ITGAV: variants seen among roughly 807,000 people sequenced by gnomAD.
ITGAV encodes the protein integrin alpha-V.
In ITGAV, 76 loss-of-function variants were observed where a neutral mutation model predicts 143.8. The ratio of observed to expected loss-of-function variants is 0.53; its 90% CI spans 0.44 to 0.64. ITGAV has a LOEUF of 0.64. Ranked by LOEUF, ITGAV falls within the 30% of genes least tolerant of loss-of-function variation. The probability of loss-of-function intolerance (pLI) is 0.00; values close to 1 mark genes in which losing one functional copy is unlikely to be tolerated. For synonymous variants in ITGAV, 453 were observed against 446.7 expected (o/e 1.01, Z -0.18); for missense variants, 1,193 against 1,274.7 (o/e 0.94, Z 0.98).
At chr2:186,646,319 C>A (rs917996811) in intron 12 of ITGAV, among the ~76,000 whole-genome samples, 2 of 152,022 alleles carry the variant, frequency 1.3e-5, no homozygotes, top group East Asian at 3.9e-4. Context: ...CCTCCTCCAT[C>A]CCCTACCCCT....
chr2:186,595,689 A>T (rs78638836), intron 1 of ITGAV, among the ~76,000 whole-genome samples: 2 of 10,650 alleles, frequency 1.9e-4, no homozygotes, highest in African/African-American at 5.4e-4. Flanking sequence ...TCCAGTCATT[A>T]AAAAAAAAAA....
chr2:186,656,472 C>T (rs1688590551), intron 17 of ITGAV, 71 bp downstream of exon 17: 1 of 1,161,526 alleles, frequency 8.6e-7, no homozygotes, highest in Non-Finnish European at 1.2e-6. Context: ...ATGATTTTCA[C>T]TTTCTGTAAA....
At chr2:186,676,160 A>G (rs943075481) in intron 28 of ITGAV, 38 of 367,376 alleles carry the variant, frequency 1.0e-4, no homozygotes, top group Non-Finnish European at 1.5e-4. Flanking sequence ...ATTTCTTAGT[A>G]TATACTAAAT....
intron 1 of ITGAV, among the ~76,000 whole-genome samples, chr2:186,592,850 AC>A (rs1686651522): frequency 6.6e-6 from 1 of 152,144 alleles, no homozygotes; most frequent in Non-Finnish European, 1.5e-5. Context: ...AAAAATGGAA[AC>A]CAACCTTGAA....
chr2:186,600,567 C>T (rs1686873185), intron 1 of ITGAV, among the ~76,000 whole-genome samples: 1 of 152,190 alleles, frequency 6.6e-6, no homozygotes, highest in African/African-American at 2.4e-5. Flanking sequence ...AAATCTCTCT[C>T]AGCTAATTGT....
At chr2:186,659,257 C>T (rs898921477) in intron 18 of ITGAV, 82 bp downstream of exon 18, 2 of 936,272 alleles carry the variant, frequency 2.1e-6, no homozygotes, top group Non-Finnish European at 2.9e-6. Context: ...GAGGAGATTT[C>T]CTTTATCATA....
In ITGAV at chr2:186,678,496, G is replaced by A. The variant is rs201807782; in HGVS notation, c.*1204G>A. 4.3e-6 allele frequency: 1 copy of A among 233,612 alleles called. No individual in the cohort carries two copies. Among genetic ancestry groups the A allele is most frequent in the East Asian group, 1.2e-4 (1 of 8,176 alleles). The allele number at this position is 233,612 out of a possible 1,614,324, so 14.5% of individuals were successfully genotyped here. The stretch of plus-strand genomic sequence containing the variant: ...CAAGGTAATGTGTAAAATCAGTCTC[G>A]GCTGTCAGAATAACTTCTAAAAGGT... On this transcript the variant is annotated 3_prime_UTR_variant, in exon 30 of 30. Coordinates refer to ENST00000261023, the MANE Select transcript of ITGAV (RefSeq NM_002210.5).
intron 3 of ITGAV, 122 bp downstream of exon 3, chr2:186,622,552 C>T: frequency 3.0e-6 from 2 of 665,416 alleles, no homozygotes; most frequent in African/African-American, 1.8e-5. Flanking sequence ...GGTATAACAA[C>T]ATAAGATAGC....
intron 2 of ITGAV, among the ~76,000 whole-genome samples, chr2:186,605,519 A>G (rs1013556836): frequency 6.6e-6 from 1 of 151,960 alleles, no homozygotes; most frequent in Non-Finnish European, 1.5e-5. Context: ...ACATTGTTAC[A>G]TGTTATTTAT....
At chr2:186,600,116 A>T in intron 1 of ITGAV, 1 of 490,052 alleles carries the variant, frequency 2.0e-6, no homozygotes, top group Non-Finnish European at 3.6e-6. Context: ...AACCATGGCC[A>T]AAAGGCCCTA....
At chr2:186,654,089 T>C (rs1688516688) in intron 15 of ITGAV, among the ~76,000 whole-genome samples, 1 of 152,108 alleles carries the variant, frequency 6.6e-6, no homozygotes, top group Non-Finnish European at 1.5e-5. Flanking sequence ...TCCCAGCACT[T>C]TGGGAGACCA....
At chr2:186,625,676 TGTGAGA>T (rs1687657277) in intron 4 of ITGAV, 89 bp downstream of exon 4, 505 of 551,610 alleles carry the variant, frequency 9.2e-4, no homozygotes, top group Middle Eastern at 1.8e-3. Flanking sequence ...TGTGTGTGTG[TGTGAGA>T]GAGAGAGATA....
chr2:186,675,742 G>C, intron 27 of ITGAV, 25 bp downstream of exon 27: 1 of 1,569,080 alleles, frequency 6.4e-7, no homozygotes, highest in South Asian at 1.1e-5. Context: ...GCAGCATTTA[G>C]CAAACATACC....
intron 12 of ITGAV, among the ~76,000 whole-genome samples, 173 bp from the exon 13 acceptor site, chr2:186,646,513 G>T (rs554053710): frequency 1.3e-4 from 20 of 152,160 alleles, no homozygotes; most frequent in Non-Finnish European, 2.6e-4. Flanking sequence ...TTATCATGAT[G>T]AATGGGTTCT....
Position 186,646,836 on chromosome 2 carries a change from C to A in ITGAV, c.1310C>A (p.Ser437Ter). Residue 437 changes from serine to a stop codon, truncating the protein, a stop_gained, in exon 13 of 30, where the codon TCA (serine) becomes TAA (stop). Coordinates refer to ENST00000261023, the MANE Select transcript of ITGAV (RefSeq NM_002210.5). LOFTEE classifies it high-confidence loss of function. ...AGCATGCCACCAAGCTTTGGCTATT[C>A]AATGAAAGGAGCCACAGATATAGAC... ...ARSMPPSFGYSMKGATDIDKN... is the reference protein window; with the variant it reads ...ARSMPPSFGY 1.2e-6 allele frequency: 2 copies of A among 1,607,472 alleles called. No individual in the cohort carries two copies. The highest frequency in any genetic ancestry group is 1.1e-5 in the South Asian group (1 of 90,234).
rs1274952280 is a variant in ITGAV, at chr2:186,590,560, C to G, written c.185+37C>G. 3 of 1,563,336 alleles carry G rather than the reference C, an allele frequency of 1.9e-6. No homozygotes were observed. In the South Asian group the frequency reaches 3.5e-5, roughly 18 times the overall value. ...CACTTGGAACTGGAGCCGGCCCCCT[C>G]CCCCACCGCGCGCACCCACCCAGCG... On this transcript the variant is annotated intron_variant, in intron 1 of 29. Coordinates refer to ENST00000261023, the MANE Select transcript of ITGAV (RefSeq NM_002210.5).
chr2:186,625,591 T>G lies in ITGAV; in HGVS notation c.523+4T>G. 6.3e-7 allele frequency: 1 copy of G among 1,598,768 alleles called. No homozygotes were observed. The highest frequency in any genetic ancestry group is 1.1e-5 in the South Asian group (1 of 90,318). On this transcript the variant is annotated splice_donor_region_variant and intron_variant, in intron 4 of 29. Coordinates refer to ENST00000261023, the MANE Select transcript of ITGAV (RefSeq NM_002210.5). ...GAGTATGCTCCATGTAGATCACGTA[T>G]GTATAGGATATTGTACCAGCTTTTA...
intron 1 of ITGAV, among the ~76,000 whole-genome samples, chr2:186,598,657 G>T (rs1371092908): frequency 2.0e-5 from 3 of 151,986 alleles, no homozygotes; most frequent in African/African-American, 7.2e-5. Context: ...TCAAACTCCT[G>T]ACCTCAAGTG....
At chr2:186,671,980 C>T (rs1689077452) in intron 26 of ITGAV, among the ~76,000 whole-genome samples, 1 of 128,710 alleles carries the variant, frequency 7.8e-6, no homozygotes, top group Non-Finnish European at 1.6e-5. Flanking sequence ...GAGACAGAGT[C>T]TCGCTCTGTC....
Sources: gnomAD v4.1 joint callset for allele counts (sites outside exome capture counted in the v4.1 genomes callset) on GRCh38, gnomAD v4.1.1 for gene constraint, MANE v1.5 for transcripts, NCBI Gene and HGNC (gene_info 2026-07-23, HGNC 2026-07-21) for gene names.